Variants in RORA observed in about 807,000 individuals in gnomAD.
RORA encodes the protein nuclear receptor ROR-alpha.
In RORA, 7 loss-of-function variants were observed where a neutral mutation model predicts 69.5. The observed-to-expected ratio is 0.10, with a 90% CI of 0.06 to 0.19. The LOEUF is 0.19. RORA is among the 10% of genes least tolerant of loss of function. The pLI, the probability that RORA is intolerant of heterozygous loss-of-function variation, is 1.00. For synonymous variants in RORA, 261 were observed against 240.8 expected, an observed-to-expected ratio of 1.08 and a Z score of -0.78; for missense variants, 457 against 663.0, an observed-to-expected ratio of 0.69 and a Z score of 3.41.
intron 5 of RORA, among the ~76,000 whole-genome samples, chr15:60,510,042 A>G (rs928094674): frequency 6.6e-6 from 1 of 152,194 alleles, no homozygotes; most frequent in Non-Finnish European, 1.5e-5. Context: ...TTTTCACTTA[A>G]AAGATGTTTT....
chr15:60,646,599 C>T (rs2070050316), intron 2 of RORA, among the ~76,000 whole-genome samples: 1 of 152,246 alleles, frequency 6.6e-6, no homozygotes, highest in Non-Finnish European at 1.5e-5. Context: ...CGAATGGTGG[C>T]ACCACTGTCC....
chr15:60,947,477 C>G (rs1261298511), intron 1 of RORA, among the ~76,000 whole-genome samples: 1 of 151,846 alleles, frequency 6.6e-6, no homozygotes, highest in Non-Finnish European at 1.5e-5. Context: ...CTTTGTTAAA[C>G]AGATGCTTGA....
At chr15:61,165,216 C>T (rs1030515524) in intron 1 of RORA, among the ~76,000 whole-genome samples, 1 of 152,226 alleles carries the variant, frequency 6.6e-6, no homozygotes, top group Non-Finnish European at 1.5e-5. Flanking sequence ...CACCAGGCAT[C>T]TGGGGGCATA....
chr15:61,123,242 G>A (rs2079118056), intron 1 of RORA, among the ~76,000 whole-genome samples: 1 of 152,088 alleles, frequency 6.6e-6, no homozygotes, highest in Admixed American at 6.5e-5. Flanking sequence ...CATAAGCAGT[G>A]AGGATTTTTC....
chr15:61,108,505 G>A (rs979391979), intron 1 of RORA, among the ~76,000 whole-genome samples: 2 of 152,166 alleles, frequency 1.3e-5, no homozygotes, highest in East Asian at 1.9e-4. Flanking sequence ...ATTATCTATG[G>A]CTGCTTTCTT....
intron 1 of RORA, among the ~76,000 whole-genome samples, chr15:60,938,716 C>T (rs1048383843): frequency 6.7e-6 from 1 of 148,824 alleles, no homozygotes; most frequent in African/African-American, 2.5e-5. Flanking sequence ...GCCTAGTCAG[C>T]ACAGTGAGAC....
intron 1 of RORA, among the ~76,000 whole-genome samples, chr15:60,964,206 A>T (rs1893488063): frequency 6.6e-6 from 1 of 152,192 alleles, no homozygotes; most frequent in Non-Finnish European, 1.5e-5. Context: ...CATTCTGTTG[A>T]AGCCATGTTG....
intron 1 of RORA, among the ~76,000 whole-genome samples, chr15:61,221,522 C>G (rs530518461): frequency 5.2e-4 from 79 of 152,330 alleles, no homozygotes; most frequent in African/African-American, 1.8e-3. Flanking sequence ...TACTTTCCCC[C>G]ATTAAGCACA....
Position 61,016,043 on chromosome 15 carries a change from C to T in RORA, c.166+213010G>A, listed in dbSNP as rs368100094. On this transcript the variant is annotated intron_variant, in intron 1 of 10. Coordinates refer to ENST00000335670, the MANE Select transcript of RORA (RefSeq NM_134261.3). ...GGAACTAGCAGTGGCAGCCTGGAAA[C>T]AGAAGAGTATCAGGCTTTGTGAGAG... Among the ~76,000 whole-genome samples the T allele has an allele frequency of 2.0e-5, 3 of 152,310 alleles. No individual in the cohort carries two copies. The South Asian group carries it at 6.2e-4, about 32-fold the overall frequency.
At chr15:61,110,218 G>A (rs557047292) in intron 1 of RORA, among the ~76,000 whole-genome samples, 1 of 152,220 alleles carries the variant, frequency 6.6e-6, no homozygotes, top group African/African-American at 2.4e-5. Context: ...CCAACATGGT[G>A]AAACCCACCT....
intron 1 of RORA, among the ~76,000 whole-genome samples, chr15:61,113,783 C>T (rs962621196): frequency 6.6e-6 from 1 of 152,170 alleles, no homozygotes; most frequent in African/African-American, 2.4e-5. Context: ...GGTCTGCTTA[C>T]CAGTTTGTGA....
At chr15:60,675,455 T>A (rs1411429020) in intron 2 of RORA, among the ~76,000 whole-genome samples, 9 of 152,208 alleles carry the variant, frequency 5.9e-5, no homozygotes, top group Non-Finnish European at 1.3e-4. Flanking sequence ...ACATTTCCTA[T>A]CAACAATTGA....
At chr15:60,764,162 G>A (rs181387519) in intron 1 of RORA, 1 of 152,340 alleles carries the variant, frequency 6.6e-6, no homozygotes, top group Non-Finnish European at 1.5e-5. Flanking sequence ...CCCTAAAGCA[G>A]GTCTGATGGC....
chr15:60,831,134 C>G (rs1425119377), intron 1 of RORA, among the ~76,000 whole-genome samples: 1 of 152,204 alleles, frequency 6.6e-6, no homozygotes, highest in African/African-American at 2.4e-5. Flanking sequence ...CCGCTCTCTT[C>G]TAATGAACAA....
intron 1 of RORA, among the ~76,000 whole-genome samples, chr15:61,206,433 A>C (rs979316994): frequency 1.3e-5 from 2 of 152,046 alleles, no homozygotes; most frequent in African/African-American, 4.8e-5. Flanking sequence ...TGTGTTAAAA[A>C]CCCTGGGAAA....
rs1226254539 is a variant in RORA at position 61,066,873 on chromosome 15, TA to T, written c.166+162179del. The stretch of plus-strand genomic sequence containing the variant: ...ACATGCTATGAAAGGAAAGGGTTCA[TA>T]AGACCAAAAAAAAAAAAAAAAAAAA... On this transcript the variant is annotated intron_variant, in intron 1 of 10. Transcript: ENST00000335670. Among the ~76,000 whole-genome samples, 3 of 55,296 alleles carry T rather than the reference TA, an allele frequency of 5.4e-5. 1 individual carries two copies. The highest frequency in any genetic ancestry group is 4.8e-4 in the Admixed American group (2 of 4,134). 36.3% of individuals were successfully genotyped at this position (55,296 alleles called of 152,430 possible). A position where few individuals can be genotyped will look rare whatever the true frequency, so the allele number is the denominator to read the frequency against.
At chr15:60,846,014 G>A (rs1454113173) in intron 1 of RORA, among the ~76,000 whole-genome samples, 1 of 152,126 alleles carries the variant, frequency 6.6e-6, no homozygotes, top group Non-Finnish European at 1.5e-5. Flanking sequence ...CAAAGTGCTG[G>A]GATTACAGGC....
At chr15:60,526,424 G>A (rs1162612936) in intron 3 of RORA, among the ~76,000 whole-genome samples, 2 of 152,210 alleles carry the variant, frequency 1.3e-5, no homozygotes, top group African/African-American at 4.8e-5. Flanking sequence ...CTTCGAGCCA[G>A]GCGTTTTCTG....
At position 60,863,053 on chromosome 15, in the gene RORA, C is replaced by T. The variant is rs190075447; in HGVS notation, c.167-184367G>A. On this transcript the variant is annotated intron_variant, in intron 1 of 10. Transcript: ENST00000335670. Reference sequence around the variant, plus strand: ...TTGGGCATTAAAAATGGGCTGTCTTCCCCTTATCATCTTCATGATTAGCTT... The same window carrying T: ...TTGGGCATTAAAAATGGGCTGTCTTTCCCTTATCATCTTCATGATTAGCTT... Among the ~76,000 whole-genome samples the T allele has an allele frequency of 1.2e-4, 18 of 152,320 alleles. No homozygotes were observed. In the East Asian group the frequency reaches 3.5e-3, roughly 29 times the overall value.
Sources: gnomAD v4.1 joint callset for allele counts (sites outside exome capture counted in the v4.1 genomes callset) on GRCh38, gnomAD v4.1.1 for gene constraint, MANE v1.5 for transcripts, NCBI Gene and HGNC (gene_info 2026-07-23, HGNC 2026-07-21) for gene names.